Variants in LRRC4C observed in about 807,000 individuals in gnomAD.
The protein encoded by LRRC4C is leucine-rich repeat-containing protein 4C.
LRRC4C carries 5 observed loss-of-function variants against 33.6 expected under a neutral mutation model. The ratio of observed to expected loss-of-function variants is 0.15; its 90% confidence interval spans 0.08 to 0.31. LRRC4C has a LOEUF of 0.31. Among genes scored for constraint, LRRC4C ranks in the 10% least tolerant of loss-of-function variants. The probability of loss-of-function intolerance (pLI) is 1.00; values close to 1 mark genes in which losing one functional copy is unlikely to be tolerated. For missense variants in LRRC4C, 560 were observed against 796.7 expected, an observed-to-expected ratio of 0.70 and a Z score of 3.58; for synonymous variants, 329 against 302.0, an observed-to-expected ratio of 1.09 and a Z score of -0.93.
chr11:40,576,818 T>C (rs1232316625), intron 3 of LRRC4C, among the ~76,000 whole-genome samples: 3 of 152,214 alleles, frequency 2.0e-5, no homozygotes, highest in Non-Finnish European at 2.9e-5. Context: ...GCAGAGGTCA[T>C]AGCTTTTCAT....
intron 3 of LRRC4C, among the ~76,000 whole-genome samples, chr11:40,346,714 T>A (rs1009449128): frequency 6.6e-6 from 1 of 152,188 alleles, no homozygotes; most frequent in Non-Finnish European, 1.5e-5. Context: ...AACGTTTTTT[T>A]AAAAGCAAAC....
rs371831021 is a variant in LRRC4C, at chr11:40,138,817, A to C, written c.-43+1984T>G. On this transcript the variant is annotated intron_variant, in intron 6 of 6. Coordinates refer to ENST00000528697, the MANE Select transcript of LRRC4C (RefSeq NM_001258419.2). ...TTTATTCTCTGGGAGGAAAATAAGG[A>C]CTCAGGAGAAATATCATTCTGGGTT... 5.0e-4 allele frequency among the ~76,000 whole-genome samples: 76 copies of C among 152,290 alleles called. 2 individuals are homozygous for C. In the South Asian group the frequency reaches 0.015, roughly 31 times the overall value.
At chr11:40,149,846 T>C (rs564379475) in intron 5 of LRRC4C, among the ~76,000 whole-genome samples, 1 of 152,282 alleles carries the variant, frequency 6.6e-6, no homozygotes, top group African/African-American at 2.4e-5. Context: ...TAGGCCAGTC[T>C]AGTAGACATA....
chr11:40,485,628 C>T (rs1436835542), intron 3 of LRRC4C, among the ~76,000 whole-genome samples: 1 of 151,998 alleles, frequency 6.6e-6, no homozygotes, highest in African/African-American at 2.4e-5. Context: ...ACCTTAACAC[C>T]ATTCAATCCA....
At chr11:40,338,120 C>A (rs1946709142) in intron 3 of LRRC4C, among the ~76,000 whole-genome samples, 1 of 152,140 alleles carries the variant, frequency 6.6e-6, no homozygotes, top group African/African-American at 2.4e-5. Context: ...TTTTAAATTT[C>A]CTTTTACATG....
intron 3 of LRRC4C, among the ~76,000 whole-genome samples, chr11:40,368,759 A>C (rs1006094184): frequency 3.3e-5 from 5 of 152,136 alleles, no homozygotes; most frequent in Admixed American, 6.6e-5. Flanking sequence ...GTCCACCTTT[A>C]GTAGTGCTGA....
Position 40,266,236 on chromosome 11 carries a change from G to T in LRRC4C, c.-175-24638C>A, listed in dbSNP as rs1215813945. On this transcript the variant is annotated intron_variant, in intron 4 of 6. Coordinates refer to ENST00000528697, the MANE Select transcript of LRRC4C (RefSeq NM_001258419.2). ...GAGCACTTAAGCCTGGGAGATGAAG[G>T]CTGCAGTGAGCAGTGACTCTGTTAC... is the stretch of plus-strand genomic sequence containing the variant. 2.0e-5 allele frequency among the ~76,000 whole-genome samples: 3 copies of T among 152,142 alleles called. No homozygotes were observed. In the East Asian group the frequency reaches 5.8e-4, roughly 29 times the overall value.
intron 1 of LRRC4C, among the ~76,000 whole-genome samples, chr11:41,160,703 T>C (rs946108845): frequency 6.6e-6 from 1 of 152,164 alleles, no homozygotes; most frequent in African/African-American, 2.4e-5. Flanking sequence ...ATAGTGATAA[T>C]ATTTGTCCTT....
chr11:40,288,174 G>A (rs1240530168), intron 4 of LRRC4C, among the ~76,000 whole-genome samples: 2 of 152,146 alleles, frequency 1.3e-5, no homozygotes, highest in East Asian at 1.9e-4. Flanking sequence ...AACACACGTG[G>A]CCCAGTGGGA....
intron 3 of LRRC4C, among the ~76,000 whole-genome samples, chr11:40,376,850 G>C (rs11827094): frequency 0.012 from 1,809 of 152,064 alleles, 30 homozygotes; most frequent in African/African-American, 0.037. Context: ...GCTAAGGAAG[G>C]AGTCACAGGA....
At chr11:41,213,333 C>T (rs751608605) in intron 1 of LRRC4C, among the ~76,000 whole-genome samples, 12 of 152,032 alleles carry the variant, frequency 7.9e-5, no homozygotes, top group Admixed American at 3.3e-4. Flanking sequence ...TAAAATTATG[C>T]GGAGAAATGG....
chr11:40,688,683 G>GA (rs1396512562), intron 2 of LRRC4C, among the ~76,000 whole-genome samples: 1 of 152,158 alleles, frequency 6.6e-6, no homozygotes, highest in African/African-American at 2.4e-5. Context: ...AAATGCTGTG[G>GA]AAAACTTTTT....
At chr11:40,903,652 A>G (rs1054033843) in intron 2 of LRRC4C, among the ~76,000 whole-genome samples, 5 of 152,162 alleles carry the variant, frequency 3.3e-5, no homozygotes, top group African/African-American at 1.2e-4. Context: ...GATGATTTCA[A>G]ACCTTCTGGA....
intron 2 of LRRC4C, among the ~76,000 whole-genome samples, chr11:40,830,891 G>A (rs1426250438): frequency 6.6e-6 from 1 of 152,114 alleles, no homozygotes; most frequent in Non-Finnish European, 1.5e-5. Context: ...CATGGTTCGT[G>A]TTAACTTATT....
chr11:40,551,410 A>T (rs1957123219), intron 3 of LRRC4C, among the ~76,000 whole-genome samples: 1 of 152,174 alleles, frequency 6.6e-6, no homozygotes, highest in Non-Finnish European at 1.5e-5. Context: ...TATGTCTCTA[A>T]GGAGAATAGA....
chr11:41,200,416 A>G (rs990735436), intron 1 of LRRC4C, among the ~76,000 whole-genome samples: 24 of 152,212 alleles, frequency 1.6e-4, no homozygotes, highest in African/African-American at 5.3e-4. Context: ...CCTGACTACA[A>G]TTTTATCTGG....
chr11:41,343,576 G>C (rs1248544177), intron 1 of LRRC4C, among the ~76,000 whole-genome samples: 1 of 152,176 alleles, frequency 6.6e-6, no homozygotes, highest in African/African-American at 2.4e-5. Flanking sequence ...AATGAAGAAA[G>C]AGTCTTCCAA....
chr11:41,232,747 G>GACACACAC (rs34632647), intron 1 of LRRC4C, among the ~76,000 whole-genome samples: 51 of 143,538 alleles, frequency 3.6e-4, no homozygotes, highest in African/African-American at 6.9e-4. Flanking sequence ...GTGTTATCAA[G>GACACACAC]ACACACACAC....
chr11:40,886,586 T>A (rs904250724), intron 2 of LRRC4C, among the ~76,000 whole-genome samples: 7 of 151,908 alleles, frequency 4.6e-5, no homozygotes, highest in African/African-American at 1.4e-4. Flanking sequence ...CCTCAACTGA[T>A]GAATTTTAAA....
Sources: allele counts gnomAD v4.1 joint callset (sites outside exome capture counted in the v4.1 genomes callset), GRCh38; gene constraint gnomAD v4.1.1; transcripts MANE v1.5; gene names NCBI Gene and HGNC (gene_info 2026-07-23, HGNC 2026-07-21).